The following NRXN1 variants were observed in gnomAD, a reference collection of about 807,000 sequenced individuals.
NRXN1 encodes the protein neurexin 1, also known as neurexin-1.
NRXN1 carries 39 observed loss-of-function variants against 150.9 expected under a neutral mutation model. That is an observed-to-expected ratio of 0.26 (90% CI 0.20 to 0.34). The LOEUF (loss-of-function observed/expected upper bound fraction) is 0.34, where lower values mean the gene tolerates loss of function less well. NRXN1 is among the 10% of genes least tolerant of loss of function. NRXN1 has a pLI of 1.00. For missense variants in NRXN1, 1,815 were observed against 1,949.9 expected, an observed-to-expected ratio of 0.93 and a Z score of 1.30; for synonymous variants, 924 against 757.0, an observed-to-expected ratio of 1.22 and a Z score of -3.62.
chr2:50,556,839 C>T (rs1668331376), intron 8 of NRXN1, among the ~76,000 whole-genome samples: 1 of 152,134 alleles, frequency 6.6e-6, no homozygotes, highest in Admixed American at 6.5e-5. Flanking sequence ...TCCCTAACCT[C>T]TCTCTGTCTC....
chr2:50,291,626 CT>C (rs548066774), intron 17 of NRXN1, among the ~76,000 whole-genome samples: 1 of 152,276 alleles, frequency 6.6e-6, no homozygotes, highest in African/African-American at 2.4e-5. Context: ...AGCCCGAAGC[CT>C]GCCGAATTTT....
chr2:50,148,628 G>A (rs975476229), intron 18 of NRXN1, among the ~76,000 whole-genome samples: 1 of 151,644 alleles, frequency 6.6e-6, no homozygotes, highest in South Asian at 2.1e-4. Context: ...CCAAGTTTTG[G>A]CATATTCCTC....
intron 19 of NRXN1, among the ~76,000 whole-genome samples, chr2:50,060,069 AC>A (rs1273423386): frequency 6.6e-6 from 1 of 152,132 alleles, no homozygotes; most frequent in African/African-American, 2.4e-5. Context: ...TGGTAGATCC[AC>A]TGACAGCTTC....
intron 21 of NRXN1, among the ~76,000 whole-genome samples, chr2:50,007,936 C>T (rs890505585): frequency 6.6e-6 from 1 of 152,050 alleles, no homozygotes; most frequent in Non-Finnish European, 1.5e-5. Flanking sequence ...TTCTAACTCC[C>T]AATGCTGTCT....
At chr2:50,857,072 G>A (rs750399639) in intron 5 of NRXN1, among the ~76,000 whole-genome samples, 9 of 152,070 alleles carry the variant, frequency 5.9e-5, no homozygotes, top group East Asian at 3.9e-4. Flanking sequence ...TAACACTGAC[G>A]TTTTACAGAA....
chr2:50,657,985 CTT>C (rs1224073215), intron 5 of NRXN1, among the ~76,000 whole-genome samples: 1 of 151,998 alleles, frequency 6.6e-6, no homozygotes, highest in Admixed American at 6.6e-5. Context: ...AGACAGAAGT[CTT>C]TCTTTCCACC....
At chr2:50,449,321 C>T (rs1355245277) in intron 17 of NRXN1, among the ~76,000 whole-genome samples, 1 of 152,168 alleles carries the variant, frequency 6.6e-6, no homozygotes, top group Non-Finnish European at 1.5e-5. Flanking sequence ...TTCTCATTTA[C>T]TAAACAAGTT....
At chr2:50,288,369 GC>G (rs2072471961) in intron 17 of NRXN1, among the ~76,000 whole-genome samples, 1 of 152,010 alleles carries the variant, frequency 6.6e-6, no homozygotes, top group Non-Finnish European at 1.5e-5. Context: ...AGCCTACACA[GC>G]AAAGAATTAC....
chr2:50,118,730 T>C (rs543267273), intron 18 of NRXN1, among the ~76,000 whole-genome samples: 1 of 152,298 alleles, frequency 6.6e-6, no homozygotes, highest in African/African-American at 2.4e-5. Flanking sequence ...GGCGTTCCTA[T>C]GGACTTAGTG....
rs186576538 is a variant in NRXN1, at chr2:50,403,103, C to A, written c.3364+62339G>T. Among the ~76,000 whole-genome samples the A allele has an allele frequency of 2.6e-3, 401 of 152,226 alleles. 2 individuals carry two copies. The highest frequency in any genetic ancestry group is 3.7e-3 in the Non-Finnish European group (252 of 67,998). On this transcript the variant is annotated intron_variant, in intron 17 of 22. Transcript: ENST00000401669. The stretch of plus-strand genomic sequence containing the variant: ...CATGGTTGCTGAGCTATCAGACTTT[C>A]AAATTCCTACAACATCACCTGGTTT...
chr2:50,013,288 G>A (rs1307458449), intron 21 of NRXN1, among the ~76,000 whole-genome samples: 3 of 14,948 alleles, frequency 2.0e-4, no homozygotes, highest in Non-Finnish European at 4.6e-4. Context: ...TTTTTTTTTG[G>A]ATACAGCTGT....
chr2:50,784,050 G>A (rs983481928), intron 5 of NRXN1, among the ~76,000 whole-genome samples: 1 of 152,066 alleles, frequency 6.6e-6, no homozygotes, highest in Non-Finnish European at 1.5e-5. Flanking sequence ...CTGGAAAATG[G>A]TATCCAGGTA....
intron 21 of NRXN1, among the ~76,000 whole-genome samples, chr2:50,046,276 C>T (rs1691794309): frequency 1.3e-5 from 2 of 152,278 alleles, no homozygotes; most frequent in East Asian, 1.9e-4. Flanking sequence ...TGTGTTATTA[C>T]CTGCCCTCCA....
At chr2:50,381,302 G>A (rs2080941291) in intron 17 of NRXN1, among the ~76,000 whole-genome samples, 1 of 152,020 alleles carries the variant, frequency 6.6e-6, no homozygotes, top group African/African-American at 2.4e-5. Context: ...GTCTCATCAC[G>A]ACAGTCTTCT....
intron 6 of NRXN1, among the ~76,000 whole-genome samples, chr2:50,622,873 G>A (rs1242840377): frequency 2.0e-5 from 3 of 152,120 alleles, no homozygotes; most frequent in Non-Finnish European, 4.4e-5. Flanking sequence ...GTTGGGAGGA[G>A]GAGGGAGTAG....
At chr2:50,757,942 A>T (rs1008070096) in intron 5 of NRXN1, 2 of 150,896 alleles carry the variant, frequency 1.3e-5, no homozygotes, top group Non-Finnish European at 3.0e-5. Flanking sequence ...AGTCCATAGG[A>T]CCTCCTGACA....
intron 5 of NRXN1, among the ~76,000 whole-genome samples, chr2:50,699,143 C>T (rs1693374564): frequency 6.6e-6 from 1 of 152,156 alleles, no homozygotes; most frequent in African/African-American, 2.4e-5. Context: ...TAGCCTCCAA[C>T]AAACTCTTTT....
chr2:50,369,891 G>A (rs761385267), intron 17 of NRXN1, among the ~76,000 whole-genome samples: 1 of 151,970 alleles, frequency 6.6e-6, no homozygotes, highest in Admixed American at 6.6e-5. Flanking sequence ...CCATTGGGAG[G>A]AGACTGTAGT....
At chr2:50,818,235 A>T (rs1478345011) in intron 5 of NRXN1, among the ~76,000 whole-genome samples, 1 of 150,860 alleles carries the variant, frequency 6.6e-6, no homozygotes, top group African/African-American at 2.4e-5. Flanking sequence ...ATAGTTTGAT[A>T]AGGATTGCAT....
Sources: allele counts gnomAD v4.1 joint callset (sites outside exome capture counted in the v4.1 genomes callset), GRCh38; gene constraint gnomAD v4.1.1; transcripts MANE v1.5; gene names NCBI Gene and HGNC (gene_info 2026-07-23, HGNC 2026-07-21).